The following RHOBTB3 variants were observed in gnomAD, a reference collection of about 807,000 sequenced individuals.
RHOBTB3 encodes the protein rho-related BTB domain-containing protein 3.
A neutral mutation model predicts 67.2 loss-of-function variants in RHOBTB3; 47 were observed. That is an observed-to-expected ratio of 0.70 (90% CI 0.55 to 0.89). RHOBTB3 has a LOEUF of 0.89. Among genes scored for constraint, RHOBTB3 ranks in the 40% least tolerant of loss-of-function variants. The pLI, the probability that RHOBTB3 is intolerant of heterozygous loss-of-function variation, is 0.00. For missense variants in RHOBTB3, 631 were observed against 750.0 expected (o/e 0.84, Z 1.85); for synonymous variants, 273 against 274.2 (o/e 1.00, Z 0.04).
rs566481118 is a variant in RHOBTB3, at chr5:95,755,002, G to A, written c.683-394G>A. Reference sequence around the variant, plus strand: ...TAAAATCAAAGGTAAAAGTAAAGAAGGATGACTGTGAAATACTAAAGTTCA... The same window carrying A: ...TAAAATCAAAGGTAAAAGTAAAGAAAGATGACTGTGAAATACTAAAGTTCA... On this transcript the variant is annotated intron_variant, in intron 5 of 11. Coordinates refer to ENST00000379982, the MANE Select transcript of RHOBTB3 (RefSeq NM_014899.4). Among the ~76,000 whole-genome samples, 357 of 152,284 alleles carry A rather than the reference G, an allele frequency of 2.3e-3. 2 individuals are homozygous for A. The highest frequency in any genetic ancestry group is 8.4e-3 in the African/African-American group (348 of 41,536).
chr5:95,784,854 G>A (rs533551608), intron 10 of RHOBTB3, among the ~76,000 whole-genome samples: 1 of 152,254 alleles, frequency 6.6e-6, no homozygotes. Context: ...TCCACTGCCC[G>A]AGACAGTTTC....
At chr5:95,787,598 C>T (rs1311398243) in intron 10 of RHOBTB3, among the ~76,000 whole-genome samples, 1 of 152,096 alleles carries the variant, frequency 6.6e-6, no homozygotes, top group Non-Finnish European at 1.5e-5. Flanking sequence ...GTGGAAACAA[C>T]ACAAATGTCC....
intron 3 of RHOBTB3, among the ~76,000 whole-genome samples, chr5:95,745,624 T>G (rs1195491451): frequency 6.6e-6 from 1 of 152,142 alleles, no homozygotes; most frequent in Non-Finnish European, 1.5e-5. Flanking sequence ...CATTTGAATG[T>G]CAGAGTTACA....
chr5:95,779,894 T>A (rs1745999327), intron 8 of RHOBTB3: 2 of 205,004 alleles, frequency 9.8e-6, no homozygotes, highest in Admixed American at 1.1e-4. Flanking sequence ...GGGAGGCACA[T>A]GGGCACGGGT....
intron 8 of RHOBTB3, among the ~76,000 whole-genome samples, chr5:95,776,802 T>C (rs7735516): frequency 0.06 from 9,099 of 152,292 alleles, 528 homozygotes; most frequent in African/African-American, 0.15. Flanking sequence ...TGTGATGTGG[T>C]CACGGGGGTT....
At position 95,731,886 on chromosome 5, in the gene RHOBTB3, C is replaced by T. The variant is rs749659452; in HGVS notation, c.30C>T (p.Asn10=). 3.1e-6 allele frequency: 5 copies of T among 1,613,324 alleles called. No homozygotes were observed. The South Asian group carries it at 3.3e-5, about 11-fold the overall frequency. MSIHIVALG[N]EGDTFHQDNR... is the part of the protein sequence containing the mutation. ...CCATCCACATCGTGGCGCTGGGGAACGAGGGGGACACATTCCACCAGGACA... is the reference window on the plus strand; with the variant it reads ...CCATCCACATCGTGGCGCTGGGGAATGAGGGGGACACATTCCACCAGGACA... The change falls in exon 2 of 12, where the codon AAC becomes AAT. Residue 10 remains asparagine (N), a synonymous_variant. Coordinates refer to ENST00000379982, the MANE Select transcript of RHOBTB3 (RefSeq NM_014899.4).
At chr5:95,723,325 C>T (rs575111353) in intron 1 of RHOBTB3, among the ~76,000 whole-genome samples, 1 of 152,376 alleles carries the variant, frequency 6.6e-6, no homozygotes, top group Non-Finnish European at 1.5e-5. Flanking sequence ...TCTAGATTCT[C>T]ACTTGGACTT....
chr5:95,793,178 G>C lies in RHOBTB3; in HGVS notation c.*4G>C, dbSNP rs778700145. The C allele has an allele frequency of 8.3e-6, 13 of 1,565,442 alleles. No homozygotes were observed. The Admixed American group carries it at 2.1e-4, about 25-fold the overall frequency. ...ATGTCGTTGCTTAGTAATGTAACCT[G>C]GAGCTTTTATACACTACATTTCTTT... is the stretch of plus-strand genomic sequence containing the variant. On this transcript the variant is annotated 3_prime_UTR_variant, in exon 12 of 12. Transcript: ENST00000379982.
chr5:95,763,317 T>G (rs1745444314), intron 6 of RHOBTB3, among the ~76,000 whole-genome samples, 191 bp from the exon 7 acceptor site: 1 of 152,120 alleles, frequency 6.6e-6, no homozygotes. Flanking sequence ...GAGAAATAAT[T>G]TAGGGGAAGT....
upstream of RHOBTB3, among the ~76,000 whole-genome samples, chr5:95,730,519 A>C (rs995351523): frequency 6.6e-6 from 1 of 152,216 alleles, no homozygotes; most frequent in Non-Finnish European, 1.5e-5. Flanking sequence ...AATCTAAAGT[A>C]TCTTTGCATT....
chr5:95,724,872 T>C (rs1561433785), intron 1 of RHOBTB3, among the ~76,000 whole-genome samples: 1 of 152,104 alleles, frequency 6.6e-6, no homozygotes, highest in Non-Finnish European at 1.5e-5. Flanking sequence ...GCCTGGTACA[T>C]GGTAAGTATA....
chr5:95,761,394 G>C (rs1326031915), intron 6 of RHOBTB3, among the ~76,000 whole-genome samples: 4 of 146,516 alleles, frequency 2.7e-5, no homozygotes, highest in Non-Finnish European at 5.9e-5. Flanking sequence ...TCAGGCTGGA[G>C]TGCAGTGGCA....
chr5:95,783,682 G>A, intron 9 of RHOBTB3, 115 bp from the exon 10 acceptor site: 1 of 773,720 alleles, frequency 1.3e-6, no homozygotes, highest in Non-Finnish European at 2.0e-6. Flanking sequence ...ATTCTATGGT[G>A]GATGCTACGG....
upstream of RHOBTB3, chr5:95,730,921 A>C (rs1755205132): frequency 2.2e-6 from 1 of 458,814 alleles, no homozygotes; most frequent in Admixed American, 2.4e-5. Context: ...GTCAAGGCCA[A>C]GAGGGGGGGA....
intron 10 of RHOBTB3, among the ~76,000 whole-genome samples, chr5:95,786,376 ACAT>A (rs1463262119): frequency 6.6e-6 from 1 of 152,208 alleles, no homozygotes; most frequent in Non-Finnish European, 1.5e-5. Context: ...GTGTCAGGAA[ACAT>A]CATTCATACT....
intron 3 of RHOBTB3, among the ~76,000 whole-genome samples, chr5:95,742,645 A>G (rs962833350): frequency 1.4e-4 from 22 of 152,106 alleles, no homozygotes; most frequent in Non-Finnish European, 1.2e-4. Context: ...TCTGGTTCAC[A>G]CATTAGTTCT....
At chr5:95,766,596 TAAAA>T (rs534051950) in intron 7 of RHOBTB3, among the ~76,000 whole-genome samples, 9 of 115,848 alleles carry the variant, frequency 7.8e-5, no homozygotes, top group African/African-American at 1.2e-4. Context: ...GACTAAAATT[TAAAA>T]AAAAAAAAAA....
At chr5:95,791,763 G>C (rs10057261) in intron 11 of RHOBTB3, among the ~76,000 whole-genome samples, 117,340 of 151,644 alleles carry the variant, frequency 0.77, 46,224 homozygotes, top group African/African-American at 0.92. Context: ...CCAGGCTGGT[G>C]TCAAACTCCT....
intron 3 of RHOBTB3, among the ~76,000 whole-genome samples, chr5:95,741,513 C>CTTTTTTTTTTT (rs1755597405): frequency 1.2e-5 from 1 of 86,180 alleles, no homozygotes. Flanking sequence ...TTTTTTTTTT[C>CTTTTTTTTTTT]TTTCTTTCTG....
Sources: allele counts gnomAD v4.1 joint callset (sites outside exome capture counted in the v4.1 genomes callset), GRCh38; gene constraint gnomAD v4.1.1; transcripts MANE v1.5; gene names NCBI Gene and HGNC (gene_info 2026-07-23, HGNC 2026-07-21).